Variants in KLRG1 observed in about 807,000 individuals in gnomAD.
The protein encoded by KLRG1 is killer cell lectin like receptor G1.
KLRG1 carries 16 observed loss-of-function variants against 21.8 expected under a neutral mutation model. The ratio of observed to expected loss-of-function variants is 0.73; its 90% CI spans 0.50 to 1.11. The LOEUF (loss-of-function observed/expected upper bound fraction) is 1.11, where lower values mean the gene tolerates loss of function less well. Ranked by LOEUF, KLRG1 falls within the 50% of genes most tolerant of loss-of-function variation. The pLI, the probability that KLRG1 is intolerant of heterozygous loss-of-function variation, is 0.00. For synonymous variants in KLRG1, 69 were observed against 75.9 expected, an observed-to-expected ratio of 0.91 and a Z score of 0.47; for missense variants, 173 against 218.3, an observed-to-expected ratio of 0.79 and a Z score of 1.31.
chr12:9,206,769 T>A, the KLRG1 span, among the ~76,000 whole-genome samples: 3 of 152,088 alleles, frequency 2.0e-5, no homozygotes, highest in African/African-American at 7.2e-5. Context: ...TGAGGCTTGT[T>A]GTTCTTTGTT....
the KLRG1 span, among the ~76,000 whole-genome samples, chr12:9,185,773 T>C: frequency 3.3e-5 from 5 of 151,360 alleles, no homozygotes; most frequent in Admixed American, 2.6e-4. Context: ...ATAAGAGATT[T>C]GGGGCCTATG....
the KLRG1 span, among the ~76,000 whole-genome samples, chr12:9,096,143 A>G: frequency 2.0e-5 from 3 of 152,174 alleles, no homozygotes; most frequent in Non-Finnish European, 4.4e-5. Context: ...TGCTTTGATG[A>G]TTTATAGAGG....
the KLRG1 span, chr12:9,202,261 C>T: frequency 1.4e-6 from 2 of 1,434,036 alleles, no homozygotes; most frequent in Non-Finnish European, 2.0e-6. Context: ...TTCTACCTCA[C>T]TCTGGGTGAG....
At chr12:9,181,622 T>G in the KLRG1 span, among the ~76,000 whole-genome samples, 1 of 152,204 alleles carries the variant, frequency 6.6e-6, no homozygotes, top group Non-Finnish European at 1.5e-5. Flanking sequence ...CTTGTTAGAT[T>G]TTTAGATGGC....
rs56863648 is a variant in KLRG1 at position 8,961,892 on chromosome 12, C to T, written c.-156+11656C>T. On this transcript the variant is annotated intron_variant, in intron 1 of 4. Transcript: ENST00000539240. ...CATGAGGCCAAGAGTTTGAGACCAA[C>T]CTGGATAACATAGGAAGACCTCATC... Among the ~76,000 whole-genome samples the T allele has an allele frequency of 4.8e-3, 731 of 152,198 alleles. 6 individuals carry two copies. The highest frequency in any genetic ancestry group is 0.017 in the African/African-American group (698 of 41,528).
At chr12:9,101,409 G>A in the KLRG1 span, 1 of 1,541,188 alleles carries the variant, frequency 6.5e-7, no homozygotes, top group Non-Finnish European at 8.9e-7. Context: ...GAGAGCTTTT[G>A]TCTACAGTGA....
At chr12:9,077,967 A>G in the KLRG1 span, 3 of 1,277,360 alleles carry the variant, frequency 2.3e-6, no homozygotes, top group Non-Finnish European at 3.3e-6. Flanking sequence ...ATTCTTGTGT[A>G]CTTAGAGAGC....
At chr12:8,986,382 T>G (rs1435593011), upstream of KLRG1, among the ~76,000 whole-genome samples, 1 of 152,102 alleles carries the variant, frequency 6.6e-6, no homozygotes, top group Non-Finnish European at 1.5e-5. Context: ...GAATGGGGAG[T>G]ATCTACATAT....
chr12:9,166,229 A>G, the KLRG1 span: 2 of 1,603,852 alleles, frequency 1.2e-6, no homozygotes, highest in Non-Finnish European at 1.7e-6. Context: ...TTGTCTAGTT[A>G]GGGAAAAACA....
chr12:9,192,359 A>G, the KLRG1 span: 3 of 1,325,486 alleles, frequency 2.3e-6, no homozygotes, highest in South Asian at 1.2e-5. Flanking sequence ...TGTGCTGGAG[A>G]GAATCAACCT....
chr12:9,174,365 A>T, the KLRG1 span, among the ~76,000 whole-genome samples: 1 of 152,188 alleles, frequency 6.6e-6, no homozygotes, highest in Non-Finnish European at 1.5e-5. Flanking sequence ...AGCCAATATC[A>T]TACTGAATGG....
At chr12:9,136,674 A>G in the KLRG1 span, among the ~76,000 whole-genome samples, 7 of 152,034 alleles carry the variant, frequency 4.6e-5, no homozygotes, top group Non-Finnish European at 1.0e-4. Context: ...AGTTTTCTCC[A>G]CATCTTTGCC....
chr12:9,060,666 G>A, the KLRG1 span, among the ~76,000 whole-genome samples: 12 of 152,022 alleles, frequency 7.9e-5, no homozygotes, highest in African/African-American at 1.4e-4. Flanking sequence ...AACAAAAAAC[G>A]CAGATGTCTG....
intron 1 of KLRG1, among the ~76,000 whole-genome samples, chr12:8,972,423 T>G (rs1181244225): frequency 1.3e-5 from 2 of 152,236 alleles, no homozygotes; most frequent in East Asian, 3.8e-4. Flanking sequence ...CATCCCAAAG[T>G]GCTGGGATTA....
At chr12:9,135,471 A>AG in the KLRG1 span, 1 of 370,484 alleles carries the variant, frequency 2.7e-6, no homozygotes, top group Non-Finnish European at 5.1e-6. Flanking sequence ...CCCCACCAGC[A>AG]GGGGGTAGCA....
At chr12:9,048,412 A>G in the KLRG1 span, among the ~76,000 whole-genome samples, 1 of 150,728 alleles carries the variant, frequency 6.6e-6, no homozygotes, top group Admixed American at 6.6e-5. Context: ...AATACAAGAT[A>G]AGAAAAGTAC....
chr12:8,988,040 A>G (rs1451959687), upstream of KLRG1, among the ~76,000 whole-genome samples: 2 of 152,224 alleles, frequency 1.3e-5, no homozygotes, highest in African/African-American at 2.4e-5. Context: ...TTGGCCCTGC[A>G]GGAACTATCT....
At chr12:9,005,469 G>A (rs1182901088) in intron 3 of KLRG1, among the ~76,000 whole-genome samples, 3 of 152,162 alleles carry the variant, frequency 2.0e-5, no homozygotes, top group Non-Finnish European at 4.4e-5. Context: ...AGGACACTGT[G>A]TTAAGTGAAA....
chr12:9,150,980 C>T, the KLRG1 span, among the ~76,000 whole-genome samples: 1 of 152,016 alleles, frequency 6.6e-6, no homozygotes, highest in Non-Finnish European at 1.5e-5. Context: ...TTTTGTAGTC[C>T]CTTGTTATGA....
Sources: allele counts gnomAD v4.1 joint callset (sites outside exome capture counted in the v4.1 genomes callset), GRCh38; gene constraint gnomAD v4.1.1; transcripts MANE v1.5; gene names NCBI Gene and HGNC (gene_info 2026-07-23, HGNC 2026-07-21).